Variants in GSTM1 observed in about 807,000 individuals in gnomAD.
The protein encoded by GSTM1 is GST HB subunit 4.
A neutral mutation model predicts 17.3 loss-of-function variants in GSTM1; 6 were observed. The ratio of observed to expected loss-of-function variants is 0.35; its 90% CI spans 0.19 to 0.68. GSTM1 has a LOEUF of 0.68. GSTM1 is among the 30% of genes least tolerant of loss of function. The probability of loss-of-function intolerance (pLI) is 0.65; values close to 1 mark genes in which losing one functional copy is unlikely to be tolerated. For missense variants in GSTM1, 62 were observed against 155.9 expected, an observed-to-expected ratio of 0.40 and a Z score of 3.21; for synonymous variants, 20 against 53.6, an observed-to-expected ratio of 0.37 and a Z score of 2.74.
Position 109,689,018 on chromosome 1 carries a change from C to G in GSTM1, c.178-30C>G. ...GATGCTGGGGAGCCTGGTGGCCCAA[C>G]TGAGCTTCGCCGGTTTCCCATCCAT... is the stretch of plus-strand genomic sequence containing the variant. On this transcript the variant is annotated intron_variant, in intron 3 of 7. Coordinates refer to ENST00000309851, the MANE Select transcript of GSTM1 (RefSeq NM_000561.4). 3 of 790,402 alleles carry G rather than the reference C, an allele frequency of 3.8e-6. 1 individual carries two copies. The highest frequency in any genetic ancestry group is 5.5e-6 in the Non-Finnish European group (3 of 546,558). 49.0% of individuals were successfully genotyped at this position (790,402 alleles called of 1,614,324 possible). A position where few individuals can be genotyped will look rare whatever the true frequency, so the allele number is the denominator to read the frequency against.
In GSTM1 at chr1:109,687,834, C is replaced by T. The variant is rs562130267; in HGVS notation, c.-40C>T. On this transcript the variant is annotated 5_prime_UTR_variant, in exon 1 of 8. Coordinates refer to ENST00000309851, the MANE Select transcript of GSTM1 (RefSeq NM_000561.4). ...GAGCTCTTATACTCTGAGCCCTGCT[C>T]GGTTTAGGCCTGTCTGCGGAATCCG... The T allele has an allele frequency of 1.2e-5, 9 of 734,402 alleles. 4 individuals are homozygous for T. The highest frequency in any genetic ancestry group is 3.8e-5 in the African/African-American group (2 of 52,378). 45.5% of individuals were successfully genotyped at this position (734,402 alleles called of 1,614,324 possible). A position where few individuals can be genotyped will look rare whatever the true frequency, so the allele number is the denominator to read the frequency against.
Position 109,687,910 on chromosome 1 carries a change from G to C in GSTM1, c.36+1G>C, listed in dbSNP as rs1417435157. 1 of 791,838 alleles carries C rather than the reference G, an allele frequency of 1.3e-6. No homozygotes were observed. The highest frequency in any genetic ancestry group is 1.8e-6 in the Non-Finnish European group (1 of 546,830). The allele number at this position is 791,838 out of a possible 1,614,324, so 49.1% of individuals were successfully genotyped here. A position where few individuals can be genotyped will look rare whatever the true frequency, so the allele number is the denominator to read the frequency against. Reference sequence around the variant, plus strand: ...ACTGGGGTACTGGGACATCCGCGGGGTGAGCGAGGGTCCGCTGGACGGTGG... The same window carrying C: ...ACTGGGGTACTGGGACATCCGCGGGCTGAGCGAGGGTCCGCTGGACGGTGG... On this transcript the variant is annotated splice_donor_variant, in intron 1 of 7. Transcript: ENST00000309851. LOFTEE classifies it high-confidence loss of function.
chr1:109,688,136 A>G lies in GSTM1; in HGVS notation c.37-34A>G, dbSNP rs1431768501. ...GTGCAGACAAAGTCAGGGACCCTCC[A>G]TCTCTGACGCGACCTGCGGGCCATC... On this transcript the variant is annotated intron_variant, in intron 1 of 7. Transcript: ENST00000309851. The G allele has an allele frequency of 6.3e-6, 5 of 797,304 alleles. 1 individual carries two copies. The highest frequency in any genetic ancestry group is 1.9e-5 in the African/African-American group (1 of 53,642). 49.4% of individuals were successfully genotyped at this position (797,304 alleles called of 1,614,324 possible).
Position 109,692,519 on chromosome 1 carries a change from T to C in GSTM1, c.568-687T>C, listed in dbSNP as rs1408172106. On this transcript the variant is annotated intron_variant, in intron 7 of 7. Transcript: ENST00000309851. ...TTTGGACTTTCTGCTTTAAGGGGAA[T>C]GTTTAGAGCCTAGTCTCGCCTTTGA... Among the ~76,000 whole-genome samples the C allele has an allele frequency of 2.5e-5, 2 of 79,144 alleles. 1 individual carries two copies. The highest frequency in any genetic ancestry group is 6.5e-5 in the Non-Finnish European group (2 of 30,964). The allele number at this position is 79,144 out of a possible 152,430, so 51.9% of individuals were successfully genotyped here.
Position 109,688,168 on chromosome 1 carries a change from A to T in GSTM1, c.37-2A>T, listed in dbSNP as rs1275655935. The T allele has an allele frequency of 1.3e-6, 1 of 798,256 alleles. No individual in the cohort carries two copies. Among genetic ancestry groups the T allele is most frequent in the Non-Finnish European group, 1.8e-6 (1 of 552,844 alleles). The allele number at this position is 798,256 out of a possible 1,614,324, so 49.4% of individuals were successfully genotyped here. A position where few individuals can be genotyped will look rare whatever the true frequency, so the allele number is the denominator to read the frequency against. ...ACGCGACCTGCGGGCCATCTCTCCC[A>T]GCTGGCCCACGCCATCCGCCTGCTC... On this transcript the variant is annotated splice_acceptor_variant, in intron 1 of 7. Transcript: ENST00000309851. LOFTEE classifies it high-confidence loss of function.
chr1:109,692,315 CCCAATGTGCTGGGATTACAGGTGT>C, intron 7 of GSTM1, among the ~76,000 whole-genome samples: 1 of 79,374 alleles, frequency 1.3e-5, no homozygotes, highest in East Asian at 4.7e-4. Flanking sequence ...ACCTCGGCTT[CCCAATGTGCTGGGATTACAGGTGT>C]GAGCCGGATG....
Position 109,691,745 on chromosome 1 carries a change from G to A in GSTM1, c.567+1181G>A, listed in dbSNP as rs554284300. Among the ~76,000 whole-genome samples, 13 of 82,366 alleles carry A rather than the reference G, an allele frequency of 1.6e-4. 5 individuals are homozygous for A. In the South Asian group the frequency reaches 4.0e-3, roughly 25 times the overall value. 54.0% of individuals were successfully genotyped at this position (82,366 alleles called of 152,430 possible). A position where few individuals can be genotyped will look rare whatever the true frequency, so the allele number is the denominator to read the frequency against. On this transcript the variant is annotated intron_variant, in intron 7 of 7. Transcript: ENST00000309851. ...GTGGCACCACCTGGGTACCAGGCCC[G>A]GGGCCTGCCCCTCACTCACGGGGAA...
chr1:109,689,938 AT>A lies in GSTM1; in HGVS notation c.361-332del. On this transcript the variant is annotated intron_variant, in intron 5 of 7. Coordinates refer to ENST00000309851, the MANE Select transcript of GSTM1 (RefSeq NM_000561.4). Reference sequence around the variant, plus strand: ...TCCCTGAGCTCCCTTAGTTCTTTGCATCCTTGATTCTGCTGGTCTGGATCCA... The same window carrying A: ...TCCCTGAGCTCCCTTAGTTCTTTGCACCTTGATTCTGCTGGTCTGGATCCA... 2.5e-5 allele frequency among the ~76,000 whole-genome samples: 2 copies of A among 81,098 alleles called. 1 individual carries two copies. The highest frequency in any genetic ancestry group is 2.6e-4 in the Admixed American group (2 of 7,610). 53.2% of individuals were successfully genotyped at this position (81,098 alleles called of 152,430 possible).
rs751248148 is a variant in GSTM1 at position 109,688,778 on chromosome 1, C to G, written c.177+41C>G. On this transcript the variant is annotated intron_variant, in intron 3 of 7. Transcript: ENST00000309851. ...GGGGCGGTTTTGGGGGAAAGTGCAA[C>G]GTGTCTCTGACTGCATCTCCTCTCC... 3 of 747,550 alleles carry G rather than the reference C, an allele frequency of 4.0e-6. 1 individual carries two copies. The South Asian group carries it at 5.6e-5, about 14-fold the overall frequency. The allele number at this position is 747,550 out of a possible 1,614,324, so 46.3% of individuals were successfully genotyped here.
rs1485195781 is a variant in GSTM1 at position 109,689,961 on chromosome 1, T to A, written c.361-310T>A. ...GCATCCTTGATTCTGCTGGTCTGGA[T>A]CCAGAGGCTGCCAGGTGCTTGGGCG... On this transcript the variant is annotated intron_variant, in intron 5 of 7. Coordinates refer to ENST00000309851, the MANE Select transcript of GSTM1 (RefSeq NM_000561.4). Among the ~76,000 whole-genome samples the A allele has an allele frequency of 1.5e-4, 12 of 81,752 alleles. 5 individuals are homozygous for A. Among genetic ancestry groups the A allele is most frequent in the African/African-American group, 3.5e-4 (10 of 28,802 alleles). 53.6% of individuals were successfully genotyped at this position (81,752 alleles called of 152,430 possible). A position where few individuals can be genotyped will look rare whatever the true frequency, so the allele number is the denominator to read the frequency against.
In GSTM1 at chr1:109,690,802, GGTCA is replaced by G. The variant is rs1351652256; in HGVS notation, c.567+242_567+245del. On this transcript the variant is annotated intron_variant, in intron 7 of 7. Transcript: ENST00000309851. Reference sequence around the variant, plus strand: ...GAGATAAGGAAACTAAGAATGAGAGGGTCAGTCCTTTGCTCAGGGTCCCAGAGCT... The same window carrying G: ...GAGATAAGGAAACTAAGAATGAGAGGGTCCTTTGCTCAGGGTCCCAGAGCT... 2.4e-5 allele frequency among the ~76,000 whole-genome samples: 2 copies of G among 81,794 alleles called. 1 individual carries two copies. Among genetic ancestry groups the G allele is most frequent in the Non-Finnish European group, 6.3e-5 (2 of 31,698 alleles). The allele number at this position is 81,794 out of a possible 152,430, so 53.7% of individuals were successfully genotyped here. A position where few individuals can be genotyped will look rare whatever the true frequency, so the allele number is the denominator to read the frequency against.
Position 109,688,016 on chromosome 1 carries a change from C to G in GSTM1, c.36+107C>G, listed in dbSNP as rs866577976. 27 of 725,922 alleles carry G rather than the reference C, an allele frequency of 3.7e-5. 10 individuals carry two copies. In the Middle Eastern group the frequency reaches 9.4e-3, roughly 252 times the overall value. 45.0% of individuals were successfully genotyped at this position (725,922 alleles called of 1,614,324 possible). On this transcript the variant is annotated intron_variant, in intron 1 of 7. Coordinates refer to ENST00000309851, the MANE Select transcript of GSTM1 (RefSeq NM_000561.4). ...CGTTCCTCTTCAGGGCTGCCCGCCT[C>G]AGAAGGGCCTGTGCATGCCGCTGTG...
At chr1:109,691,718 G>T (rs537544360) in intron 7 of GSTM1, among the ~76,000 whole-genome samples, 1 of 82,648 alleles carries the variant, frequency 1.2e-5, no homozygotes, top group South Asian at 3.6e-4. Context: ...TGTGAGGTGT[G>T]TGTGGCACCA....
rs767866501 is a variant in GSTM1 at position 109,690,465 on chromosome 1, A to G, written c.468A>G (p.Val156=). The change falls in exon 7 of 8, where the codon GTA becomes GTG. Residue 156 remains valine (V), a synonymous_variant. Coordinates refer to ENST00000309851, the MANE Select transcript of GSTM1 (RefSeq NM_000561.4). ...TTGGCCTTCTGCAGATCACTTTTGT[A>G]GATTTTCTCGTCTATGATGTCCTTG... ...PWFAGNKITF[V]DFLVYDVLDL... 3.9e-5 allele frequency: 31 copies of G among 797,110 alleles called. 13 individuals carry two copies. The highest frequency in any genetic ancestry group is 5.4e-5 in the Non-Finnish European group (30 of 552,066). The allele number at this position is 797,110 out of a possible 1,614,324, so 49.4% of individuals were successfully genotyped here. A position where few individuals can be genotyped will look rare whatever the true frequency, so the allele number is the denominator to read the frequency against.
intron 5 of GSTM1, among the ~76,000 whole-genome samples, chr1:109,689,717 C>T (rs1648050741): frequency 2.5e-5 from 2 of 79,332 alleles, no homozygotes; most frequent in African/African-American, 3.6e-5. Flanking sequence ...ATTGCATCTT[C>T]TCCTCAACAG....
At position 109,689,358 on chromosome 1, in the gene GSTM1, GTT is replaced by G. The variant is rs1295744609; in HGVS notation, c.360+35_360+36del. 1.4e-5 allele frequency: 9 copies of G among 622,868 alleles called. 4 individuals are homozygous for G. Among genetic ancestry groups the G allele is most frequent in the Non-Finnish European group, 2.2e-5 (9 of 405,608 alleles). The allele number at this position is 622,868 out of a possible 1,614,324, so 38.6% of individuals were successfully genotyped here. The stretch of plus-strand genomic sequence containing the variant: ...TCCCCAGTGAGCTGCATCTGACAGA[GTT>G]TGGATTTGGGGCCAGGACTCTTGCA... On this transcript the variant is annotated intron_variant, in intron 5 of 7. Coordinates refer to ENST00000309851, the MANE Select transcript of GSTM1 (RefSeq NM_000561.4).
chr1:109,692,410 A>G (rs10857796), intron 7 of GSTM1, among the ~76,000 whole-genome samples: 63,028 of 77,442 alleles, frequency 0.81, 30,061 homozygotes, highest in East Asian at 1. Flanking sequence ...ACATCTGAGT[A>G]TCATGTAGCC....
At chr1:109,689,671 C>T in intron 5 of GSTM1, among the ~76,000 whole-genome samples, 1 of 78,226 alleles carries the variant, frequency 1.3e-5, no homozygotes, top group Non-Finnish European at 3.2e-5. Flanking sequence ...TATGCAGACT[C>T]AAGTAGAAGA....
Position 109,692,183 on chromosome 1 carries a change from G to C in GSTM1, c.568-1023G>C, listed in dbSNP as rs1329200445. 2.7e-5 allele frequency among the ~76,000 whole-genome samples: 2 copies of C among 74,952 alleles called. 1 individual carries two copies. The highest frequency in any genetic ancestry group is 2.9e-4 in the Admixed American group (2 of 6,798). 49.2% of individuals were successfully genotyped at this position (74,952 alleles called of 152,430 possible). A position where few individuals can be genotyped will look rare whatever the true frequency, so the allele number is the denominator to read the frequency against. ...AAACAATTCTCTGCCTCAGCCTCCC[G>C]AGTAGCTGGGATTACAAGTGTCTAT... is the stretch of plus-strand genomic sequence containing the variant. On this transcript the variant is annotated intron_variant, in intron 7 of 7. Transcript: ENST00000309851.
Sources: gnomAD v4.1 joint callset for allele counts (sites outside exome capture counted in the v4.1 genomes callset) on GRCh38, gnomAD v4.1.1 for gene constraint, MANE v1.5 for transcripts, NCBI Gene and HGNC (gene_info 2026-07-23, HGNC 2026-07-21) for gene names.